MAP2K5: variants seen among roughly 807,000 people sequenced by gnomAD.
MAP2K5 encodes mitogen-activated protein kinase kinase 5.
Under a neutral mutation model 83.1 loss-of-function variants are expected in MAP2K5, and 49 were observed. The ratio of observed to expected loss-of-function variants is 0.59; its 90% CI spans 0.47 to 0.75. The LOEUF (loss-of-function observed/expected upper bound fraction) is 0.75. MAP2K5 is among the 30% of genes least tolerant of loss of function. MAP2K5 has a pLI of 0.00. For missense variants in MAP2K5, 457 were observed against 557.5 expected (o/e 0.82, Z 1.82); for synonymous variants, 202 against 191.8 (o/e 1.05, Z -0.44).
At chr15:67,627,889 G>A (rs531141465) in intron 8 of MAP2K5, 6 of 690,010 alleles carry the variant, frequency 8.7e-6, no homozygotes, top group African/African-American at 7.1e-5. Context: ...CTGAACAGCT[G>A]AGGAAGCTCT....
chr15:67,703,202 T>C, intron 15 of MAP2K5, 135 bp from the exon 16 acceptor site: 2 of 626,982 alleles, frequency 3.2e-6, no homozygotes, highest in Non-Finnish European at 5.7e-6. Context: ...TATACACACA[T>C]GTAAAATTGT....
intron 3 of MAP2K5, among the ~76,000 whole-genome samples, chr15:67,580,553 A>C (rs1163754151): frequency 1.3e-5 from 2 of 152,230 alleles, no homozygotes; most frequent in Admixed American, 6.5e-5. Context: ...GATAAATGCC[A>C]GGGTGAAGGC....
At chr15:67,645,056 G>A (rs182812687) in intron 9 of MAP2K5, among the ~76,000 whole-genome samples, 3 of 152,150 alleles carry the variant, frequency 2.0e-5, no homozygotes, top group Non-Finnish European at 2.9e-5. Context: ...GCTGAGACAC[G>A]AGAATCGCTT....
Position 67,778,007 on chromosome 15 carries a change from C to T in MAP2K5, c.1242+5255C>T, listed in dbSNP as rs149554914. On this transcript the variant is annotated intron_variant, in intron 21 of 21. Coordinates refer to ENST00000178640, the MANE Select transcript of MAP2K5 (RefSeq NM_145160.3). This position sits in a 1 kb window ranked among gnomAD's most constrained non-coding sequence, Gnocchi z 5.0. ...GGGGTATCAGTTAAAATCAGAATAG[C>T]GCTCTTGGATTTTTTTCCTTCATGT... 3.2e-3 allele frequency among the ~76,000 whole-genome samples: 488 copies of T among 152,278 alleles called. 2 individuals carry two copies. Among genetic ancestry groups the T allele is most frequent in the African/African-American group, 0.011 (457 of 41,554 alleles).
intron 19 of MAP2K5, among the ~76,000 whole-genome samples, chr15:67,763,771 A>G (rs1281184006): frequency 6.6e-6 from 1 of 152,202 alleles, no homozygotes; most frequent in Non-Finnish European, 1.5e-5. Flanking sequence ...TCAGAAACCA[A>G]TTTAGGGTCT....
In MAP2K5 at chr15:67,565,377, C is replaced by T. The variant is rs892395035; in HGVS notation, c.252+2027C>T. On this transcript the variant is annotated intron_variant, in intron 3 of 21. Transcript: ENST00000178640. The surrounding 1 kb of genome is among the most constrained non-coding windows in gnomAD (Gnocchi z 4.1). The stretch of plus-strand genomic sequence containing the variant: ...CCTGAGTAGCTGGGATTACAGGCAC[C>T]CACCACCATGCCTGGCTAATTTTTG... 1.3e-5 allele frequency among the ~76,000 whole-genome samples: 2 copies of T among 151,858 alleles called. No homozygotes were observed. The highest frequency in any genetic ancestry group is 2.4e-5 in the African/African-American group (1 of 41,326).
intron 13 of MAP2K5, among the ~76,000 whole-genome samples, chr15:67,685,644 AGAT>A (rs1275967502): frequency 6.6e-6 from 1 of 152,264 alleles, no homozygotes; most frequent in Admixed American, 6.5e-5. Context: ...TGAAAATAAA[AGAT>A]GAGAAGAAGA....
rs1030266303 is a variant in MAP2K5, at chr15:67,749,721, T to C, written c.1134+1120T>C. 2.0e-5 allele frequency among the ~76,000 whole-genome samples: 3 copies of C among 152,202 alleles called. No individual in the cohort carries two copies. The highest frequency in any genetic ancestry group is 4.4e-5 in the Non-Finnish European group (3 of 68,028). ...AATGAAGGCATCGTCCTGAAACAAA[T>C]GGAGGCTCCATTATCTCAAATATCA... On this transcript the variant is annotated intron_variant, in intron 19 of 21. Coordinates refer to ENST00000178640, the MANE Select transcript of MAP2K5 (RefSeq NM_145160.3). The surrounding 1 kb of genome is among the most constrained non-coding windows in gnomAD (Gnocchi z 4.6).
intron 9 of MAP2K5, 123 bp downstream of exon 9, chr15:67,631,050 G>A: frequency 2.9e-6 from 2 of 692,978 alleles, no homozygotes; most frequent in Admixed American, 3.1e-5. Context: ...TGGTAGGTAG[G>A]GGAAGCTGTG....
rs368311459 is a variant in MAP2K5, at chr15:67,573,539, T to A, written c.253-7215T>A. ...ACAGGACCCCTCCTCCAATTAAACA[T>A]GAGATTTGTGGGCGGGTACACAAAT... On this transcript the variant is annotated intron_variant, in intron 3 of 21. Transcript: ENST00000178640. This position sits in a 1 kb window ranked among gnomAD's most constrained non-coding sequence, Gnocchi z 4.2. Among the ~76,000 whole-genome samples the A allele has an allele frequency of 7.9e-5, 12 of 152,160 alleles. No homozygotes were observed. The East Asian group carries it at 1.9e-3, about 24-fold the overall frequency.
At chr15:67,734,340 T>A (rs545717834) in intron 17 of MAP2K5, among the ~76,000 whole-genome samples, 4 of 152,244 alleles carry the variant, frequency 2.6e-5, no homozygotes, top group African/African-American at 4.8e-5. Context: ...TTGTTTAACT[T>A]GGCTTGGAAA....
Position 67,587,445 on chromosome 15 carries a change from T to C in MAP2K5, c.431+532T>C, listed in dbSNP as rs556753777. 9.9e-5 allele frequency among the ~76,000 whole-genome samples: 15 copies of C among 152,226 alleles called. No individual in the cohort carries two copies. Among genetic ancestry groups the C allele is most frequent in the Admixed American group, 7.2e-4 (11 of 15,280 alleles). ...GTGTTTTTAAAAGATCCTCTGCCTG[T>C]GGTGTGGCGAATGAGCAGAAGCTCC... On this transcript the variant is annotated intron_variant, in intron 6 of 21. Transcript: ENST00000178640. The surrounding 1 kb of genome is among the most constrained non-coding windows in gnomAD (Gnocchi z 4.8).
At chr15:67,734,200 T>A (rs1474494271) in intron 17 of MAP2K5, among the ~76,000 whole-genome samples, 1 of 152,232 alleles carries the variant, frequency 6.6e-6, no homozygotes, top group Non-Finnish European at 1.5e-5. Context: ...TAGTTTTAAT[T>A]GAAATTACTG....
chr15:67,761,784 T>C (rs1413353004), intron 19 of MAP2K5, among the ~76,000 whole-genome samples: 4 of 152,244 alleles, frequency 2.6e-5, no homozygotes, highest in Non-Finnish European at 5.9e-5. Flanking sequence ...AAGGGTTTTT[T>C]TCTCTCCTAG....
At chr15:67,788,649 C>G (rs1053001073) in intron 21 of MAP2K5, among the ~76,000 whole-genome samples, 5 of 152,038 alleles carry the variant, frequency 3.3e-5, no homozygotes, top group African/African-American at 1.2e-4. Flanking sequence ...TGCCATCATC[C>G]ATATTTATTT....
intron 3 of MAP2K5, among the ~76,000 whole-genome samples, chr15:67,566,874 A>G (rs1368167663): frequency 6.6e-6 from 1 of 152,250 alleles, no homozygotes; most frequent in Admixed American, 6.5e-5. Flanking sequence ...TGAGTGCCAT[A>G]ATAATGGCAT....
rs1193225732 is a variant in MAP2K5, at chr15:67,774,403, G to A, written c.1242+1651G>A. ...GATTTTAAATGAATGCATTCCCAGA[G>A]GTATAGCAGTGGTGAGGCACCACTG... On this transcript the variant is annotated intron_variant, in intron 21 of 21. Transcript: ENST00000178640. The surrounding 1 kb of genome is among the most constrained non-coding windows in gnomAD (Gnocchi z 4.9). Among the ~76,000 whole-genome samples, 5 of 152,074 alleles carry A rather than the reference G, an allele frequency of 3.3e-5. No homozygotes were observed. Among genetic ancestry groups the A allele is most frequent in the Admixed American group, 1.3e-4 (2 of 15,270 alleles).
intron 13 of MAP2K5, among the ~76,000 whole-genome samples, chr15:67,686,436 C>T (rs2087954456): frequency 1.3e-5 from 2 of 151,592 alleles, no homozygotes; most frequent in Admixed American, 6.6e-5. Context: ...GTGAAACCCC[C>T]GTCTCACTAA....
At chr15:67,800,061 G>A (rs2090675324) in intron 21 of MAP2K5, among the ~76,000 whole-genome samples, 1 of 152,140 alleles carries the variant, frequency 6.6e-6, no homozygotes, top group Non-Finnish European at 1.5e-5. Flanking sequence ...AGCCTGGAAG[G>A]AAGAGTTGGC....
Sources: allele counts gnomAD v4.1 joint callset (sites outside exome capture counted in the v4.1 genomes callset), GRCh38; gene constraint gnomAD v4.1.1; non-coding constraint Gnocchi (gnomAD v3.1); transcripts MANE v1.5; gene names NCBI Gene and HGNC (gene_info 2026-07-23, HGNC 2026-07-21).